Variants in DNMT3A observed in about 807,000 individuals in gnomAD.
DNMT3A encodes DNA (cytosine-5)-methyltransferase 3A.
In DNMT3A, 267 loss-of-function variants were observed where a neutral mutation model predicts 117.6. The observed-to-expected ratio is 2.27, with a 90% CI of 2.05 to 2.51. The LOEUF (loss-of-function observed/expected upper bound fraction) is 2.51, where lower values mean the gene tolerates loss of function less well. Among genes scored for constraint, DNMT3A ranks in the 30% most tolerant of loss-of-function variants. The probability of loss-of-function intolerance (pLI) is 0.00; values close to 1 mark genes in which losing one functional copy is unlikely to be tolerated. For synonymous variants in DNMT3A, 432 were observed against 474.8 expected, an observed-to-expected ratio of 0.91 and a Z score of 1.17; for missense variants, 1,029 against 1,260.2, an observed-to-expected ratio of 0.82 and a Z score of 2.78.
chr2:25,322,826 A>G lies in DNMT3A; in HGVS notation c.-177-8665T>C, dbSNP rs186371721. On this transcript the variant is annotated intron_variant, in intron 1 of 22. Coordinates refer to ENST00000321117, the MANE Select transcript of DNMT3A (RefSeq NM_022552.5). ...TCCAAAACCAAAACTGTCACGGCCC[A>G]CAAACCTAAATCCTCACTCCACCAA... Among the ~76,000 whole-genome samples, 47 of 152,104 alleles carry G rather than the reference A, an allele frequency of 3.1e-4. No individual in the cohort carries two copies. In the South Asian group the frequency reaches 4.2e-3, roughly 13 times the overall value.
At chr2:25,320,826 A>T (rs919798813) in intron 1 of DNMT3A, among the ~76,000 whole-genome samples, 4 of 152,198 alleles carry the variant, frequency 2.6e-5, no homozygotes, top group African/African-American at 9.6e-5. Context: ...CCACAAAATT[A>T]ATGCCTTAAA....
At chr2:25,341,114 G>A (rs1357268802) in intron 1 of DNMT3A, among the ~76,000 whole-genome samples, 2 of 143,158 alleles carry the variant, frequency 1.4e-5, no homozygotes, top group African/African-American at 5.0e-5. Flanking sequence ...GGAGGATCGC[G>A]GCGCGGCGCT....
chr2:25,329,507 G>T (rs1436339757), intron 1 of DNMT3A, among the ~76,000 whole-genome samples: 1 of 152,074 alleles, frequency 6.6e-6, no homozygotes, highest in African/African-American at 2.4e-5. Context: ...ACTTCAGAGT[G>T]GCTTGTGCTC....
chr2:25,249,001 C>T (rs1675203590), intron 6 of DNMT3A, among the ~76,000 whole-genome samples: 1 of 152,190 alleles, frequency 6.6e-6, no homozygotes, highest in African/African-American at 2.4e-5. Flanking sequence ...CGTATATCTC[C>T]TAATGCTATC....
chr2:25,329,673 C>CACACACA (rs2034934868), intron 1 of DNMT3A, among the ~76,000 whole-genome samples: 5 of 138,392 alleles, frequency 3.6e-5, no homozygotes, highest in South Asian at 2.2e-4. Context: ...CATGCAGACC[C>CACACACA]CACACACACA....
intron 3 of DNMT3A, among the ~76,000 whole-genome samples, chr2:25,289,248 GCCTGCCA>G (rs922852532): frequency 3.3e-5 from 5 of 151,940 alleles, no homozygotes; most frequent in African/African-American, 4.8e-5. Context: ...GATTACAGGT[GCCTGCCA>G]CCACACCTGG....
In DNMT3A at chr2:25,234,106, A is replaced by T; in HGVS notation, c.*173T>A. On this transcript the variant is annotated 3_prime_UTR_variant, in exon 23 of 23. Coordinates refer to ENST00000321117, the MANE Select transcript of DNMT3A (RefSeq NM_022552.5). The surrounding 1 kb of genome is among the most constrained non-coding windows in gnomAD (Gnocchi z 4.5). ...GGAGATGATGTCCAACCCTTTTCGCAAGGCAAAGCCCTCCGGTATTTCCGC... is the reference window on the plus strand; with the variant it reads ...GGAGATGATGTCCAACCCTTTTCGCTAGGCAAAGCCCTCCGGTATTTCCGC... The T allele has an allele frequency of 2.9e-6, 3 of 1,047,112 alleles. No individual in the cohort carries two copies. Among genetic ancestry groups the T allele is most frequent in the Non-Finnish European group, 2.6e-6 (2 of 770,442 alleles). The allele number at this position is 1,047,112 out of a possible 1,614,324, so 64.9% of individuals were successfully genotyped here.
chr2:25,342,022 C>A (rs992795913), upstream of DNMT3A: 10 of 801,660 alleles, frequency 1.2e-5, no homozygotes, highest in African/African-American at 2.0e-5. The surrounding 1 kb of genome is among the most constrained non-coding windows in gnomAD (Gnocchi z 5.9). Context: ...TCCGCCGGGT[C>A]CCCCCCTCCC....
At chr2:25,277,853 C>G (rs903784920) in intron 4 of DNMT3A, among the ~76,000 whole-genome samples, 3 of 152,012 alleles carry the variant, frequency 2.0e-5, no homozygotes, top group Non-Finnish European at 4.4e-5. Flanking sequence ...CGCTGCACCA[C>G]TACTGTTATT....
intron 3 of DNMT3A, among the ~76,000 whole-genome samples, chr2:25,288,867 TG>T (rs1359964199): frequency 6.6e-6 from 1 of 152,152 alleles, no homozygotes; most frequent in Non-Finnish European, 1.5e-5. Context: ...CTCCTTTAAA[TG>T]GAAGGATCTG....
Position 25,326,533 on chromosome 2 carries a change from C to T in DNMT3A, c.-177-12372G>A, listed in dbSNP as rs975376298. Among the ~76,000 whole-genome samples the T allele has an allele frequency of 8.5e-5, 13 of 152,192 alleles. No individual in the cohort carries two copies. In the South Asian group the frequency reaches 2.7e-3, roughly 32 times the overall value. On this transcript the variant is annotated intron_variant, in intron 1 of 22. Coordinates refer to ENST00000321117, the MANE Select transcript of DNMT3A (RefSeq NM_022552.5). ...GTGAAGATGGAGCTGGGCCCTTTAA[C>T]TACTTTTCCTTTGTCAGCTGGCACA...
rs1674524202 is a variant in DNMT3A, at chr2:25,244,659, A to T, written c.1555-7T>A. On this transcript the variant is annotated splice_region_variant and splice_polypyrimidine_tract_variant and intron_variant, in intron 13 of 22. Transcript: ENST00000321117. ...CACACTCCAGAAAGCAGTTCTAGACAGCAGCGGGAAGGGTCAGAAACCACC... is the reference window on the plus strand; with the variant it reads ...CACACTCCAGAAAGCAGTTCTAGACTGCAGCGGGAAGGGTCAGAAACCACC... The T allele has an allele frequency of 6.2e-7, 1 of 1,613,402 alleles. No homozygotes were observed. The highest frequency in any genetic ancestry group is 8.5e-7 in the Non-Finnish European group (1 of 1,179,388).
rs1196633661 is a variant in DNMT3A, at chr2:25,236,888, C to T, written c.2478+48G>A. Reference sequence around the variant, plus strand: ...GGCCACCGCTCCACCTCATCCTGCCCTTCCTTCTCCCTGCCCCCCAGCAGA... The same window carrying T: ...GGCCACCGCTCCACCTCATCCTGCCTTTCCTTCTCCCTGCCCCCCAGCAGA... On this transcript the variant is annotated intron_variant, in intron 21 of 22. Transcript: ENST00000321117. The surrounding 1 kb of genome is among the most constrained non-coding windows in gnomAD (Gnocchi z 4.5). The T allele has an allele frequency of 6.3e-7, 1 of 1,583,388 alleles. No individual in the cohort carries two copies. Among genetic ancestry groups the T allele is most frequent in the Non-Finnish European group, 8.6e-7 (1 of 1,163,122 alleles).
At chr2:25,255,276 A>T (rs537906501) in intron 6 of DNMT3A, among the ~76,000 whole-genome samples, 1 of 152,372 alleles carries the variant, frequency 6.6e-6, no homozygotes, top group South Asian at 2.1e-4. Flanking sequence ...AAGGATCCTC[A>T]GGTCACACAT....
At position 25,254,952 on chromosome 2, in the gene DNMT3A, G is replaced by A. The variant is rs1020743232; in HGVS notation, c.640-6700C>T. ...CACATATTAGGTAGCTGTTCCCTCC[G>A]GCCGTCAAACTTCCTTATTCTCATC... On this transcript the variant is annotated intron_variant, in intron 6 of 22. Transcript: ENST00000321117. The surrounding 1 kb of genome is among the most constrained non-coding windows in gnomAD (Gnocchi z 4.7). Among the ~76,000 whole-genome samples, 10 of 152,162 alleles carry A rather than the reference G, an allele frequency of 6.6e-5. No individual in the cohort carries two copies. Among genetic ancestry groups the A allele is most frequent in the African/African-American group, 1.9e-4 (8 of 41,514 alleles).
rs1034054083 is a variant in DNMT3A, at chr2:25,311,764, T to C, written c.72+2149A>G. ...AACCACCCTTTAAAACAGGCAAGGCTGGAGTCACTATCCCCATTTTCCAGC... is the reference window on the plus strand; with the variant it reads ...AACCACCCTTTAAAACAGGCAAGGCCGGAGTCACTATCCCCATTTTCCAGC... On this transcript the variant is annotated intron_variant, in intron 2 of 22. Coordinates refer to ENST00000321117, the MANE Select transcript of DNMT3A (RefSeq NM_022552.5). This position sits in a 1 kb window ranked among gnomAD's most constrained non-coding sequence, Gnocchi z 5.2. Among the ~76,000 whole-genome samples the C allele has an allele frequency of 1.5e-4, 23 of 152,150 alleles. No individual in the cohort carries two copies. Among genetic ancestry groups the C allele is most frequent in the African/African-American group, 5.1e-4 (21 of 41,428 alleles).
In DNMT3A at chr2:25,230,366, A is replaced by G. The variant is rs1415901833; in HGVS notation, c.*3913T>C. The G allele has an allele frequency of 6.6e-6, 1 of 152,190 alleles. No homozygotes were observed. Among genetic ancestry groups the G allele is most frequent in the Non-Finnish European group, 1.5e-5 (1 of 68,076 alleles). The allele number at this position is 152,190 out of a possible 1,614,324, so 9.4% of individuals were successfully genotyped here. ...CAAGGACTGTGTCCCCAGCACGAGC[A>G]CCTGGCTACCTCCCCCAGGCAAGAG... On this transcript the variant is annotated 3_prime_UTR_variant, in exon 23 of 23. Coordinates refer to ENST00000321117, the MANE Select transcript of DNMT3A (RefSeq NM_022552.5).
intron 1 of DNMT3A, among the ~76,000 whole-genome samples, chr2:25,333,362 C>T (rs1258315771): frequency 1.3e-5 from 2 of 151,638 alleles, no homozygotes. Flanking sequence ...CGAAGTCTCA[C>T]TCTGTCGCCC....
rs1413040307 is a variant in DNMT3A at position 25,252,687 on chromosome 2, G to A, written c.640-4435C>T. Among the ~76,000 whole-genome samples the A allele has an allele frequency of 1.3e-5, 2 of 152,154 alleles. No homozygotes were observed. The highest frequency in any genetic ancestry group is 4.8e-5 in the African/African-American group (2 of 41,444). ...CCTGCCCGGAGGGAGCCGGGGGTCC[G>A]GGCGAAAGCAAGCCGGAGCTTTCGG... On this transcript the variant is annotated intron_variant, in intron 6 of 22. Coordinates refer to ENST00000321117, the MANE Select transcript of DNMT3A (RefSeq NM_022552.5). The surrounding 1 kb of genome is among the most constrained non-coding windows in gnomAD (Gnocchi z 5.5).
Sources: allele counts gnomAD v4.1 joint callset (sites outside exome capture counted in the v4.1 genomes callset), GRCh38; gene constraint gnomAD v4.1.1; non-coding constraint Gnocchi (gnomAD v3.1); transcripts MANE v1.5; gene names NCBI Gene and HGNC (gene_info 2026-07-23, HGNC 2026-07-21).